Variants in MORC4 observed in about 807,000 individuals in gnomAD.
The protein encoded by MORC4 is MORC family CW-type zinc finger protein 4.
MORC4 carries 22 observed loss-of-function variants against 65.5 expected under a neutral mutation model. The observed-to-expected ratio is 0.34, with a 90% confidence interval of 0.24 to 0.48. The LOEUF (loss-of-function observed/expected upper bound fraction) is 0.48, where lower values mean the gene tolerates loss of function less well. Among genes scored for constraint, MORC4 ranks in the 20% least tolerant of loss-of-function variants. MORC4 has a pLI of 0.99. For synonymous variants in MORC4, 267 were observed against 255.8 expected (o/e 1.04, Z -0.42); for missense variants, 624 against 703.0 (o/e 0.89, Z 1.27).
chrX:106,997,790 A>G lies in MORC4; in HGVS notation c.175+1887T>C, dbSNP rs771987326. The stretch of plus-strand genomic sequence containing the variant: ...TCAAGCAGTTGTTCCTTTTGCCTGG[A>G]ATTCCTCCCCGCCCATATCCACATG... On this transcript the variant is annotated intron_variant, in intron 2 of 16. Transcript: ENST00000355610. Among the ~76,000 whole-genome samples, 7 of 111,268 alleles carry G rather than the reference A, an allele frequency of 6.3e-5. No individual in the cohort carries two copies. In the Admixed American group the frequency reaches 6.7e-4, roughly 11 times the overall value.
intron 3 of MORC4, among the ~76,000 whole-genome samples, chrX:106,990,404 A>G (rs1934958178): frequency 9.1e-6 from 1 of 109,722 alleles, no homozygotes; most frequent in African/African-American, 3.3e-5. Flanking sequence ...CTACAGGTGC[A>G]TGCCAAAATG....
chrX:106,990,157 C>T (rs1934952661), intron 3 of MORC4, among the ~76,000 whole-genome samples: 1 of 108,241 alleles, frequency 9.2e-6, no homozygotes, highest in Non-Finnish European at 1.9e-5. Flanking sequence ...CCACTGCACT[C>T]CAGCCTGGCG....
intron 10 of MORC4, 127 bp downstream of exon 10, chrX:106,961,885 A>G (rs983523044): frequency 1.9e-6 from 1 of 526,721 alleles, no homozygotes; most frequent in African/African-American, 2.3e-5. Flanking sequence ...CTGCAGCTTC[A>G]TTCTTGAAGT....
At chrX:106,994,328 C>T (rs1298492122) in intron 2 of MORC4, among the ~76,000 whole-genome samples, 2 of 111,599 alleles carry the variant, frequency 1.8e-5, no homozygotes, top group Admixed American at 1.9e-4. Context: ...GTTCCTTAAT[C>T]GTTCCTGTCT....
chrX:106,951,688 A>T (rs552244048), intron 14 of MORC4, among the ~76,000 whole-genome samples: 1 of 111,083 alleles, frequency 9.0e-6, no homozygotes, highest in Non-Finnish European at 1.9e-5. Context: ...CTTATTTTGT[A>T]TCACTCATAA....
intron 14 of MORC4, among the ~76,000 whole-genome samples, chrX:106,949,499 A>G (rs746942533): frequency 8.9e-6 from 1 of 112,334 alleles, no homozygotes; most frequent in Non-Finnish European, 1.9e-5. Flanking sequence ...TAGATAATAT[A>G]GCAATTCTGG....
In MORC4 at chrX:106,962,066, T is replaced by C; in HGVS notation, c.1202A>G (p.Lys401Arg). Residue 401 changes from lysine (K) to arginine (R), a missense_variant, in exon 10 of 17, where the codon AAG (lysine) becomes AGG (arginine). Lys to Arg is a conservative substitution (Grantham distance 26). Coordinates refer to ENST00000355610, the MANE Select transcript of MORC4 (RefSeq NM_024657.5). ...ALAQKLNAYW[K>R]EKTSQDNFET... ...AAAATTATCTTGAGATGTTTTTTCCTTCCAGTAAGCATTGAGCTTCTGGGC... is the reference window on the plus strand; with the variant it reads ...AAAATTATCTTGAGATGTTTTTTCCCTCCAGTAAGCATTGAGCTTCTGGGC... 1 of 1,210,724 alleles carries C rather than the reference T, an allele frequency of 8.3e-7. No homozygotes were observed. The highest frequency in any genetic ancestry group is 1.1e-6 in the Non-Finnish European group (1 of 894,512).
chrX:106,976,164 T>C (rs913089931), intron 9 of MORC4, among the ~76,000 whole-genome samples: 1 of 112,017 alleles, frequency 8.9e-6, no homozygotes, highest in Non-Finnish European at 1.9e-5. Flanking sequence ...AGCACATGTC[T>C]TTCCTGCTGT....
intron 3 of MORC4, 84 bp downstream of exon 3, chrX:106,993,146 A>C: frequency 2.0e-6 from 2 of 1,008,590 alleles, no homozygotes; most frequent in Non-Finnish European, 2.7e-6. Context: ...AACAAAAGGA[A>C]AGCAAAATAT....
intron 9 of MORC4, among the ~76,000 whole-genome samples, chrX:106,968,642 C>CGAAAAAA (rs1934429478): frequency 5.6e-5 from 1 of 17,986 alleles, no homozygotes; most frequent in Non-Finnish European, 9.8e-5. Flanking sequence ...AAATGGAAAG[C>CGAAAAAA]AAAAAAAAAA....
chrX:106,974,027 A>G (rs1202104310), intron 9 of MORC4, among the ~76,000 whole-genome samples: 1 of 111,911 alleles, frequency 8.9e-6, no homozygotes, highest in Non-Finnish European at 1.9e-5. Context: ...TATAGACAGA[A>G]GTTGAGTATC....
chrX:106,968,525 T>C (rs1312279728), intron 9 of MORC4, among the ~76,000 whole-genome samples: 1 of 107,175 alleles, frequency 9.3e-6, no homozygotes, highest in African/African-American at 3.4e-5. Flanking sequence ...ACTGGCAAAC[T>C]GGATAAAGAG....
chrX:106,993,431 T>C (rs1935016588), intron 2 of MORC4, 69 bp from the exon 3 acceptor site: 1 of 1,063,732 alleles, frequency 9.4e-7, no homozygotes, highest in Non-Finnish European at 1.3e-6. Context: ...TCTAGTTCAG[T>C]GACGCCAAGA....
intron 9 of MORC4, among the ~76,000 whole-genome samples, chrX:106,973,297 T>G (rs1204432519): frequency 9.0e-6 from 1 of 111,583 alleles, no homozygotes; most frequent in African/African-American, 3.3e-5. Flanking sequence ...AACAGCAAAA[T>G]ACAAAAAAGA....
At chrX:106,988,638 CATA>C (rs1349185940) in intron 3 of MORC4, among the ~76,000 whole-genome samples, 1 of 112,118 alleles carries the variant, frequency 8.9e-6, no homozygotes, top group East Asian at 2.8e-4. Flanking sequence ...CCTCACCACA[CATA>C]ATAATAGAAT....
In MORC4 at chrX:106,993,408, T is replaced by C. The variant is rs16987268; in HGVS notation, c.176-46A>G. 15,293 of 1,164,289 alleles carry C rather than the reference T, an allele frequency of 0.013. 1,236 individuals carry two copies. The African/African-American group carries it at 0.23, about 18-fold the overall frequency. ...CGATATTAGATCCCCTTTTCCAATA[T>C]TGTATCAAAATCTCTAGTTCAGTGA... On this transcript the variant is annotated intron_variant, in intron 2 of 16. Transcript: ENST00000355610.
At chrX:106,951,770 G>T (rs1933973912) in intron 14 of MORC4, among the ~76,000 whole-genome samples, 1 of 110,388 alleles carries the variant, frequency 9.1e-6, no homozygotes, top group Non-Finnish European at 1.9e-5. Flanking sequence ...GGCCAAGGCG[G>T]GTGGATCACG....
At chrX:106,978,330 C>T in intron 7 of MORC4, 131 bp from the exon 8 acceptor site, 1 of 544,560 alleles carries the variant, frequency 1.8e-6, no homozygotes. Flanking sequence ...GGCATTTAAA[C>T]ATCTGTTGCA....
chrX:106,958,498 T>C, intron 10 of MORC4, 34 bp from the exon 11 acceptor site: 1 of 1,170,869 alleles, frequency 8.5e-7, no homozygotes, highest in Non-Finnish European at 1.1e-6. Flanking sequence ...TGACTGTGTA[T>C]ATCTTAGCTC....
Sources: gnomAD v4.1 joint callset for allele counts (sites outside exome capture counted in the v4.1 genomes callset) on GRCh38, gnomAD v4.1.1 for gene constraint, MANE v1.5 for transcripts, NCBI Gene and HGNC (gene_info 2026-07-23, HGNC 2026-07-21) for gene names.